RAD54L: variants seen among roughly 807,000 people sequenced by gnomAD.
RAD54L encodes DNA repair and recombination protein RAD54-like.
In RAD54L, 74 loss-of-function variants were observed where a neutral mutation model predicts 91.6. That is an observed-to-expected ratio of 0.81 (90% CI 0.67 to 0.98). The LOEUF (loss-of-function observed/expected upper bound fraction) is 0.98, where lower values mean the gene tolerates loss of function less well. Ranked by LOEUF, RAD54L falls within the 50% of genes least tolerant of loss-of-function variation. RAD54L has a pLI of 0.00. For missense variants in RAD54L, 887 were observed against 945.7 expected, an observed-to-expected ratio of 0.94 and a Z score of 0.81; for synonymous variants, 304 against 349.7, an observed-to-expected ratio of 0.87 and a Z score of 1.46.
chr1:46,261,525 G>GCTCTC, intron 8 of RAD54L, 140 bp downstream of exon 8: 1 of 1,056,368 alleles, frequency 9.5e-7, no homozygotes, highest in Non-Finnish European at 1.4e-6. Flanking sequence ...GACAGGGAGA[G>GCTCTC]CCTGTGATAC....
chr1:46,249,902 A>T, intron 2 of RAD54L, 98 bp from the exon 3 acceptor site: 1 of 1,345,984 alleles, frequency 7.4e-7, no homozygotes. Context: ...AGAATTTAGC[A>T]CAGTGCCTGG....
rs1660058828 is a variant in RAD54L, at chr1:46,259,979, G to A, written c.287G>A (p.Arg96Gln). ...TGGTTTGTAGGTCCTCTGGGCTCTC[G>A]AGCATTGGGCCTGAAAAGGGCTGGG... ...IPNYQGPLGS[R>Q]ALGLKRAGVR... The change falls in exon 5 of 18, where the codon CGA becomes CAA. Residue 96 changes from arginine to glutamine, a missense_variant. Physicochemically the swap from Arg to Gln is conservative, Grantham distance 43. Transcript: ENST00000371975. The A allele has an allele frequency of 4.3e-6, 7 of 1,614,062 alleles. No individual in the cohort carries two copies. The highest frequency in any genetic ancestry group is 4.2e-6 in the Non-Finnish European group (5 of 1,180,014).
At position 46,265,617 on chromosome 1, in the gene RAD54L, C is replaced by A. The variant is rs1438343879; in HGVS notation, c.892-1842C>A. ...TAGCAACATTGGTCATTATTTCATTCTTTCATTCAACTAATATTCACTGAG... is the reference window on the plus strand; with the variant it reads ...TAGCAACATTGGTCATTATTTCATTATTTCATTCAACTAATATTCACTGAG... On this transcript the variant is annotated intron_variant, in intron 8 of 17. Transcript: ENST00000371975. This position sits in a 1 kb window ranked among gnomAD's most constrained non-coding sequence, Gnocchi z 4.8. Among the ~76,000 whole-genome samples, 3 of 152,168 alleles carry A rather than the reference C, an allele frequency of 2.0e-5. No individual in the cohort carries two copies. The highest frequency in any genetic ancestry group is 4.4e-5 in the Non-Finnish European group (3 of 68,026).
intron 3 of RAD54L, among the ~76,000 whole-genome samples, chr1:46,253,547 G>A (rs1288575984): frequency 6.6e-6 from 1 of 151,834 alleles, no homozygotes; most frequent in African/African-American, 2.4e-5. Flanking sequence ...CCCGGGAGGT[G>A]GAGCTTGCAG....
chr1:46,249,643 ACT>A (rs1462772829), intron 2 of RAD54L, among the ~76,000 whole-genome samples: 1 of 151,472 alleles, frequency 6.6e-6, no homozygotes, highest in African/African-American at 2.4e-5. Context: ...CCTCTTGGAA[ACT>A]CAGCGAAATG....
At chr1:46,254,898 G>A (rs966263840) in intron 3 of RAD54L, among the ~76,000 whole-genome samples, 48 of 152,230 alleles carry the variant, frequency 3.2e-4, no homozygotes, top group African/African-American at 9.9e-4. Flanking sequence ...GGAGCATTGA[G>A]CTCTGGGGGT....
chr1:46,277,451 A>C (rs780068981), intron 16 of RAD54L: 14 of 341,016 alleles, frequency 4.1e-5, no homozygotes, highest in Non-Finnish European at 7.8e-5. Context: ...ATGTCAGCAC[A>C]GGGTCTGGAA....
At chr1:46,249,646 C>T (rs748171080) in intron 2 of RAD54L, among the ~76,000 whole-genome samples, 6 of 152,174 alleles carry the variant, frequency 3.9e-5, no homozygotes, top group Non-Finnish European at 7.3e-5. Flanking sequence ...CTTGGAAACT[C>T]AGCGAAATGT....
At chr1:46,261,078 TG>T (rs1271390249) in intron 7 of RAD54L, 63 bp downstream of exon 7, 5 of 1,582,074 alleles carry the variant, frequency 3.2e-6, no homozygotes, top group African/African-American at 1.4e-5. Flanking sequence ...CTTACGTGTA[TG>T]CTCATTTATG....
Position 46,278,176 on chromosome 1 carries a change from G to A in RAD54L, c.2138G>A (p.Trp713Ter), listed in dbSNP as rs773031247. 1 of 1,613,764 alleles carries A rather than the reference G, an allele frequency of 6.2e-7. No individual in the cohort carries two copies. The highest frequency in any genetic ancestry group is 8.5e-7 in the Non-Finnish European group (1 of 1,179,890). Reference protein sequence around the residue: ...LAGWNHCTDKWGLRDEVLQAA... With the variant: ...LAGWNHCTDK The stretch of plus-strand genomic sequence containing the variant: ...GGGTGGAACCACTGCACTGATAAGT[G>A]GGGGCTCCGGGATGAGGTACTCCAG... The change falls in exon 18 of 18, where the codon TGG becomes TAG. Residue 713 changes from tryptophan (W) to a stop codon, truncating the protein, a stop_gained. Coordinates refer to ENST00000371975, the MANE Select transcript of RAD54L (RefSeq NM_003579.4). LOFTEE classifies it high-confidence loss of function.
intron 8 of RAD54L, among the ~76,000 whole-genome samples, chr1:46,262,749 C>G (rs905058911): frequency 6.6e-6 from 1 of 152,046 alleles, no homozygotes; most frequent in African/African-American, 2.4e-5. Flanking sequence ...TGTTTAGGAA[C>G]AAAAGGAAAG....
Position 46,278,086 on chromosome 1 carries a change from G to T in RAD54L, c.2048G>T (p.Arg683Leu). The T allele has an allele frequency of 6.2e-7, 1 of 1,614,106 alleles. No homozygotes were observed. The change falls in exon 18 of 18, where the codon CGT becomes CTT. Residue 683 changes from arginine (R) to leucine (L), a missense_variant. By Grantham distance (102) the Arg-to-Leu change is moderately radical (BLOSUM62 -2). Transcript: ENST00000371975. Reference sequence around the variant, plus strand: ...TCTGTCCCTAGGTTGCACTGCCGACGTTGTGTCAACAGCCGTCAGATCCGG... The same window carrying T: ...TCTGTCCCTAGGTTGCACTGCCGACTTTGTGTCAACAGCCGTCAGATCCGG... Reference protein sequence around the residue: ...SDTHDRLHCRRCVNSRQIRPP... With the variant: ...SDTHDRLHCRLCVNSRQIRPP...
Position 46,248,315 on chromosome 1 carries a change from C to T in RAD54L, c.-91C>T. On this transcript the variant is annotated 5_prime_UTR_variant, in exon 1 of 18. Transcript: ENST00000371975. Reference sequence around the variant, plus strand: ...CTCAATAATGTAGCAGCCCCCTCTACAGATTAGACCCTGGTCCTACACTCT... The same window carrying T: ...CTCAATAATGTAGCAGCCCCCTCTATAGATTAGACCCTGGTCCTACACTCT... The T allele has an allele frequency of 6.6e-7, 1 of 1,506,128 alleles. No homozygotes were observed. The allele number at this position is 1,506,128 out of a possible 1,614,324, so 93.3% of individuals were successfully genotyped here.
Position 46,247,780 on chromosome 1 carries a change from GA to G in RAD54L, c.-624del, listed in dbSNP as rs1659684381. The G allele has an allele frequency of 6.2e-6, 1 of 160,648 alleles. No homozygotes were observed. Among genetic ancestry groups the G allele is most frequent in the Non-Finnish European group, 1.4e-5 (1 of 72,650 alleles). 10.0% of individuals were successfully genotyped at this position (160,648 alleles called of 1,614,324 possible). On this transcript the variant is annotated 5_prime_UTR_variant, in exon 1 of 18. Coordinates refer to ENST00000371975, the MANE Select transcript of RAD54L (RefSeq NM_003579.4). Reference sequence around the variant, plus strand: ...TGGCGGCTGTTAACGCGCGCTTTGGGAACAGGAAGGTTGAGAGAGAGGTGCT... The same window carrying G: ...TGGCGGCTGTTAACGCGCGCTTTGGGACAGGAAGGTTGAGAGAGAGGTGCT...
chr1:46,263,702 G>T lies in RAD54L; in HGVS notation c.891+2317G>T, dbSNP rs1212543688. Among the ~76,000 whole-genome samples the T allele has an allele frequency of 6.6e-6, 1 of 152,186 alleles. No individual in the cohort carries two copies. Among genetic ancestry groups the T allele is most frequent in the African/African-American group, 2.4e-5 (1 of 41,442 alleles). On this transcript the variant is annotated intron_variant, in intron 8 of 17. Coordinates refer to ENST00000371975, the MANE Select transcript of RAD54L (RefSeq NM_003579.4). The surrounding 1 kb of genome is among the most constrained non-coding windows in gnomAD (Gnocchi z 4.3). ...CATCTGCTTCATCACTGTGGAGGGGGACTATGCCAGGAGCCAGGTCCAAAG... is the reference window on the plus strand; with the variant it reads ...CATCTGCTTCATCACTGTGGAGGGGTACTATGCCAGGAGCCAGGTCCAAAG...
At position 46,258,738 on chromosome 1, in the gene RAD54L, A is replaced by T; in HGVS notation, c.263A>T (p.Asn88Ile). Residue 88 changes from asparagine (N) to isoleucine (I), a missense_variant, in exon 4 of 18, where the codon AAT (asparagine) becomes ATT (isoleucine). Physicochemically the swap from Asn to Ile is moderately radical, Grantham distance 149 (BLOSUM62 -3). Coordinates refer to ENST00000371975, the MANE Select transcript of RAD54L (RefSeq NM_003579.4). Reference sequence around the variant, plus strand: ...AAGCCTTTCAAAGTCCCCATTCCAAATTATCAAGGTAAAATGGAGGTTTTT... The same window carrying T: ...AAGCCTTTCAAAGTCCCCATTCCAATTTATCAAGGTAAAATGGAGGTTTTT... Reference protein sequence around the residue: ...LSKPFKVPIPNYQGPLGSRAL... With the variant: ...LSKPFKVPIPIYQGPLGSRAL... 1 of 1,598,602 alleles carries T rather than the reference A, an allele frequency of 6.3e-7. No homozygotes were observed. Among genetic ancestry groups the T allele is most frequent in the Non-Finnish European group, 8.6e-7 (1 of 1,165,838 alleles).
At chr1:46,261,170 G>T in intron 7 of RAD54L, 91 bp from the exon 8 acceptor site, 1 of 1,577,032 alleles carries the variant, frequency 6.3e-7, no homozygotes, top group East Asian at 2.3e-5. Flanking sequence ...GTTGTTTCCA[G>T]GCTAAATTAA....
chr1:46,251,886 G>A (rs1370404255), intron 3 of RAD54L, among the ~76,000 whole-genome samples: 3 of 152,174 alleles, frequency 2.0e-5, no homozygotes, highest in Non-Finnish European at 4.4e-5. Flanking sequence ...ACTCCAGCCT[G>A]GGTGACAGAG....
At position 46,261,252 on chromosome 1, in the gene RAD54L, CTG is replaced by C; in HGVS notation, c.767-7_767-6del. 6.4e-7 allele frequency: 1 copy of C among 1,567,856 alleles called. No individual in the cohort carries two copies. The highest frequency in any genetic ancestry group is 1.7e-4 in the Middle Eastern group (1 of 5,860). On this transcript the variant is annotated splice_polypyrimidine_tract_variant and splice_region_variant and intron_variant, in intron 7 of 17. Transcript: ENST00000371975. ...CTGAATTGTTCCCTTTACACCTTTT[CTG>C]TTGTAGAAGGATTCATGAACCAGCG...
Sources: allele counts gnomAD v4.1 joint callset (sites outside exome capture counted in the v4.1 genomes callset), GRCh38; gene constraint gnomAD v4.1.1; non-coding constraint Gnocchi (gnomAD v3.1); transcripts MANE v1.5; gene names NCBI Gene and HGNC (gene_info 2026-07-23, HGNC 2026-07-21).